Variants in KIAA1217 observed in about 807,000 individuals in gnomAD.
The protein encoded by KIAA1217 is sickle tail protein homolog.
In KIAA1217, 88 loss-of-function variants were observed where a neutral mutation model predicts 163.9. That is an observed-to-expected ratio of 0.54 (90% CI 0.45 to 0.64). The LOEUF (loss-of-function observed/expected upper bound fraction) is 0.64, where lower values mean the gene tolerates loss of function less well. Among genes scored for constraint, KIAA1217 ranks in the 30% least tolerant of loss-of-function variants. KIAA1217 has a pLI of 0.00. For synonymous variants in KIAA1217, 903 were observed against 923.1 expected, an observed-to-expected ratio of 0.98 and a Z score of 0.39; for missense variants, 2,372 against 2,475.0, an observed-to-expected ratio of 0.96 and a Z score of 0.88.
At chr10:23,788,093 A>G (rs751005345) in intron 1 of KIAA1217, among the ~76,000 whole-genome samples, 2 of 152,034 alleles carry the variant, frequency 1.3e-5, no homozygotes, top group Non-Finnish European at 2.9e-5. Context: ...AGCTACTTGG[A>G]AGGCTGAGTT....
At chr10:24,463,871 A>G (rs1197216695) in intron 5 of KIAA1217, among the ~76,000 whole-genome samples, 1 of 152,210 alleles carries the variant, frequency 6.6e-6, no homozygotes, top group East Asian at 1.9e-4. Context: ...GAAGAGTGGG[A>G]CACTTTATAC....
intron 8 of KIAA1217, among the ~76,000 whole-genome samples, chr10:24,497,441 G>A (rs1202304238): frequency 4.6e-5 from 7 of 152,160 alleles, no homozygotes; most frequent in African/African-American, 1.4e-4. Flanking sequence ...GCTATTAAGA[G>A]TGACAGCCAG....
At chr10:24,329,702 T>C (rs114991134) in intron 2 of KIAA1217, among the ~76,000 whole-genome samples, 286 of 152,276 alleles carry the variant, frequency 1.9e-3, no homozygotes, top group African/African-American at 6.0e-3. Context: ...GATCGTGTAA[T>C]GTACTTAGTA....
intron 3 of KIAA1217, among the ~76,000 whole-genome samples, chr10:24,420,631 G>C (rs2058655607): frequency 6.6e-6 from 1 of 151,970 alleles, no homozygotes; most frequent in South Asian, 2.1e-4. Context: ...TTAGTTTTTT[G>C]TTTATGCGAA....
intron 1 of KIAA1217, among the ~76,000 whole-genome samples, chr10:23,732,551 G>T (rs912733750): frequency 1.3e-5 from 2 of 152,044 alleles, no homozygotes; most frequent in Admixed American, 1.3e-4. Flanking sequence ...TTCTTAGTCT[G>T]CCTACAGGCT....
intron 1 of KIAA1217, among the ~76,000 whole-genome samples, chr10:24,210,934 C>G (rs550277710): frequency 1.4e-5 from 2 of 140,010 alleles, no homozygotes; most frequent in Non-Finnish European, 3.1e-5. Context: ...TTCAGGTAAA[C>G]GGTGAATTTT....
At chr10:24,228,137 T>G (rs2070848284) in intron 2 of KIAA1217, among the ~76,000 whole-genome samples, 1 of 151,958 alleles carries the variant, frequency 6.6e-6, no homozygotes, top group Non-Finnish European at 1.5e-5. Context: ...TAGATGGGCA[T>G]GATGACTCGT....
At chr10:24,099,291 CG>C in intron 2 of KIAA1217, among the ~76,000 whole-genome samples, 1 of 150,546 alleles carries the variant, frequency 6.6e-6, no homozygotes, top group South Asian at 2.1e-4. Flanking sequence ...CCCATTAACT[CG>C]TCATTTACAT....
intron 1 of KIAA1217, among the ~76,000 whole-genome samples, chr10:23,812,190 C>T (rs953622726): frequency 2.6e-5 from 4 of 152,076 alleles, no homozygotes; most frequent in African/African-American, 9.7e-5. Flanking sequence ...TTAGTAGACA[C>T]TTATATTAAG....
At chr10:24,073,283 T>G (rs180828944) in intron 2 of KIAA1217, among the ~76,000 whole-genome samples, 1 of 151,978 alleles carries the variant, frequency 6.6e-6, no homozygotes, top group Non-Finnish European at 1.5e-5. Flanking sequence ...GGGGTCTAGA[T>G]TTCCTGGGCG....
chr10:24,447,955 C>A (rs973393170), intron 5 of KIAA1217, among the ~76,000 whole-genome samples: 2 of 152,004 alleles, frequency 1.3e-5, no homozygotes, highest in African/African-American at 4.8e-5. Context: ...GATGGTGAAA[C>A]CCTATCTCTA....
chr10:24,196,869 G>A (rs1264246581), intron 2 of KIAA1217, among the ~76,000 whole-genome samples: 2 of 152,146 alleles, frequency 1.3e-5, no homozygotes, highest in East Asian at 1.9e-4. Context: ...GGGCTAATAG[G>A]GGAAAATCTG....
At chr10:23,702,513 T>C (rs994411737) in intron 1 of KIAA1217, among the ~76,000 whole-genome samples, 1 of 152,128 alleles carries the variant, frequency 6.6e-6, no homozygotes, top group Non-Finnish European at 1.5e-5. Flanking sequence ...AATAATACTA[T>C]AGTTTGCTTT....
At chr10:24,306,721 C>G (rs2042042395) in intron 2 of KIAA1217, among the ~76,000 whole-genome samples, 1 of 152,226 alleles carries the variant, frequency 6.6e-6, no homozygotes, top group South Asian at 2.1e-4. Flanking sequence ...CAGCTTTAGT[C>G]AGTAGCCCAG....
At chr10:24,073,950 T>C (rs2061278797) in intron 2 of KIAA1217, among the ~76,000 whole-genome samples, 1 of 151,946 alleles carries the variant, frequency 6.6e-6, no homozygotes, top group South Asian at 2.1e-4. Context: ...CTTTCAACTC[T>C]CCGATCTGGG....
At chr10:23,914,730 A>G (rs1842571350) in intron 1 of KIAA1217, among the ~76,000 whole-genome samples, 1 of 152,176 alleles carries the variant, frequency 6.6e-6, no homozygotes, top group South Asian at 2.1e-4. Flanking sequence ...GTTTAAGAAC[A>G]GTGTAAATAC....
intron 1 of KIAA1217, among the ~76,000 whole-genome samples, chr10:23,921,462 G>T (rs1842845640): frequency 6.6e-6 from 1 of 152,122 alleles, no homozygotes; most frequent in Admixed American, 6.5e-5. Flanking sequence ...TTCTCTCATG[G>T]TTGGTGTTGC....
At chr10:24,337,554 G>GC (rs1554821270) in intron 2 of KIAA1217, among the ~76,000 whole-genome samples, 3 of 150,048 alleles carry the variant, frequency 2.0e-5, no homozygotes, top group Non-Finnish European at 4.5e-5. Context: ...AGACTTAAAT[G>GC]TTTTTTTGTT....
intron 1 of KIAA1217, among the ~76,000 whole-genome samples, chr10:23,945,930 G>A (rs1202206682): frequency 6.6e-6 from 1 of 152,052 alleles, no homozygotes; most frequent in Non-Finnish European, 1.5e-5. Flanking sequence ...TCAGCTCCTA[G>A]GTCACTTTAA....
Sources: gnomAD v4.1 joint callset for allele counts (sites outside exome capture counted in the v4.1 genomes callset) on GRCh38, gnomAD v4.1.1 for gene constraint, MANE v1.5 for transcripts, NCBI Gene and HGNC (gene_info 2026-07-23, HGNC 2026-07-21) for gene names.